Variants in CLINT1 observed in about 807,000 individuals in gnomAD.
CLINT1 encodes clathrin interacting protein localized in the trans-Golgi region.
CLINT1 carries 15 observed loss-of-function variants against 70.4 expected under a neutral mutation model. That is an observed-to-expected ratio of 0.21 (90% confidence interval 0.14 to 0.33). The LOEUF is 0.33. Ranked by LOEUF, CLINT1 falls within the 10% of genes least tolerant of loss-of-function variation. CLINT1 has a pLI of 1.00. For missense variants in CLINT1, 615 were observed against 778.1 expected (o/e 0.79, Z 2.49); for synonymous variants, 227 against 254.7 (o/e 0.89, Z 1.04).
At chr5:157,802,537 C>CCT (rs201460326) in intron 8 of CLINT1, among the ~76,000 whole-genome samples, 1 of 147,600 alleles carries the variant, frequency 6.8e-6, no homozygotes, top group African/African-American at 2.6e-5. Flanking sequence ...TTGCTGTAGC[C>CCT]CTCTCTTTTT....
At chr5:157,854,977 G>A (rs1427542745) in intron 1 of CLINT1, among the ~76,000 whole-genome samples, 1 of 151,910 alleles carries the variant, frequency 6.6e-6, no homozygotes, top group Non-Finnish European at 1.5e-5. Context: ...AACCTCAGCT[G>A]TATGAAAAAT....
intron 1 of CLINT1, among the ~76,000 whole-genome samples, chr5:157,840,192 CAAAA>C (rs57245921): frequency 4.0e-4 from 22 of 55,330 alleles, no homozygotes; most frequent in East Asian, 1.2e-3. Context: ...GAGACTGCCT[CAAAA>C]AAAAAAAAAA....
intron 4 of CLINT1, among the ~76,000 whole-genome samples, chr5:157,813,663 G>T (rs143267606): frequency 1.3e-3 from 196 of 152,294 alleles, no homozygotes; most frequent in Non-Finnish European, 2.3e-3. Flanking sequence ...TACACGTCTG[G>T]AACACTAATT....
intron 8 of CLINT1, among the ~76,000 whole-genome samples, chr5:157,796,934 C>G (rs1192278244): frequency 1.3e-5 from 2 of 151,328 alleles, no homozygotes; most frequent in East Asian, 3.9e-4. Flanking sequence ...TGACTAATGC[C>G]AACCAAAGTG....
In CLINT1 at chr5:157,809,304, ACC is replaced by A. The variant is rs1246813315; in HGVS notation, c.695+322_695+323del. 8 of 209,932 alleles carry A rather than the reference ACC, an allele frequency of 3.8e-5. No individual in the cohort carries two copies. In the East Asian group the frequency reaches 1.1e-3, roughly 28 times the overall value. 13.0% of individuals were successfully genotyped at this position (209,932 alleles called of 1,614,324 possible). ...CCCATAGAAGTGTACAATATAGGAAACCCCAACGTAAACTACAGACTTTAGTT... is the reference window on the plus strand; with the variant it reads ...CCCATAGAAGTGTACAATATAGGAAACCAACGTAAACTACAGACTTTAGTT... On this transcript the variant is annotated intron_variant, in intron 6 of 11. Transcript: ENST00000411809.
At chr5:157,838,539 T>G (rs893938428) in intron 1 of CLINT1, among the ~76,000 whole-genome samples, 1 of 152,242 alleles carries the variant, frequency 6.6e-6, no homozygotes, top group African/African-American at 2.4e-5. Context: ...CAATACTTTT[T>G]TCTACAAATT....
Position 157,787,533 on chromosome 5 carries a change from T to C in CLINT1, c.*113A>G, listed in dbSNP as rs1761762291. 2.1e-6 allele frequency: 2 copies of C among 933,644 alleles called. No individual in the cohort carries two copies. Among genetic ancestry groups the C allele is most frequent in the Non-Finnish European group, 3.3e-6 (2 of 611,130 alleles). The allele number at this position is 933,644 out of a possible 1,614,324, so 57.8% of individuals were successfully genotyped here. ...CAGCCTTTTTGGTTCTTTATGTAGA[T>C]TTATTTTAATTACTTGATAAAAGAA... On this transcript the variant is annotated 3_prime_UTR_variant, in exon 12 of 12. Coordinates refer to ENST00000411809, the MANE Select transcript of CLINT1 (RefSeq NM_014666.4).
At chr5:157,799,300 A>G (rs1762148186) in intron 8 of CLINT1, among the ~76,000 whole-genome samples, 1 of 152,130 alleles carries the variant, frequency 6.6e-6, no homozygotes, top group Non-Finnish European at 1.5e-5. Context: ...GTGTACTAAG[A>G]ATGGAACAAG....
intron 1 of CLINT1, among the ~76,000 whole-genome samples, chr5:157,853,727 A>G (rs1753652584): frequency 6.7e-6 from 1 of 149,910 alleles, no homozygotes; most frequent in Middle Eastern, 3.5e-3. Flanking sequence ...CAGTGAGCCA[A>G]TATCGCACCA....
chr5:157,838,898 G>A (rs1467373865), intron 1 of CLINT1, among the ~76,000 whole-genome samples: 4 of 152,148 alleles, frequency 2.6e-5, no homozygotes, highest in African/African-American at 9.7e-5. Flanking sequence ...AAATAGAACA[G>A]AAATATAGTG....
At position 157,787,640 on chromosome 5, in the gene CLINT1, A is replaced by G. The variant is rs762699033; in HGVS notation, c.*6T>C. 19 of 1,610,590 alleles carry G rather than the reference A, an allele frequency of 1.2e-5. 1 individual carries two copies. In the South Asian group the frequency reaches 2.1e-4, roughly 18 times the overall value. On this transcript the variant is annotated 3_prime_UTR_variant, in exon 12 of 12. Coordinates refer to ENST00000411809, the MANE Select transcript of CLINT1 (RefSeq NM_014666.4). ...TCTTCATTCAATCTGCTTCTTTTAC[A>G]ATCTCTTATTTGCTAAAATTGGCGA...
chr5:157,823,440 T>A (rs1309412090), intron 1 of CLINT1, among the ~76,000 whole-genome samples: 2 of 152,202 alleles, frequency 1.3e-5, no homozygotes, highest in Non-Finnish European at 2.9e-5. Context: ...GTACTTCCAA[T>A]ATCTTGTTTT....
chr5:157,817,640 C>T, intron 1 of CLINT1, 93 bp from the exon 2 acceptor site: 1 of 770,602 alleles, frequency 1.3e-6, no homozygotes, highest in Non-Finnish European at 2.2e-6. Context: ...TACTGGGTGT[C>T]CTAATGAGCT....
chr5:157,816,001 A>G (rs956164268), intron 3 of CLINT1, among the ~76,000 whole-genome samples: 3 of 152,224 alleles, frequency 2.0e-5, no homozygotes, highest in African/African-American at 7.2e-5. Flanking sequence ...TTAAAAAACC[A>G]AAAAACTAAA....
chr5:157,841,771 T>A (rs1433938124), intron 1 of CLINT1, among the ~76,000 whole-genome samples: 1 of 152,054 alleles, frequency 6.6e-6, no homozygotes, highest in Non-Finnish European at 1.5e-5. Flanking sequence ...TAGGCGTGCA[T>A]CATCACATAA....
At position 157,791,817 on chromosome 5, in the gene CLINT1, G is replaced by A. The variant is rs150043675; in HGVS notation, c.1266C>T (p.Asp422=). The A allele has an allele frequency of 1.9e-6, 3 of 1,613,960 alleles. No homozygotes were observed. Among genetic ancestry groups the A allele is most frequent in the Non-Finnish European group, 2.5e-6 (3 of 1,179,856 alleles). ...GPPPAASNSS[D]LFDLMGSSQA... ...GGGACGAGCCCATAAGATCAAACAG[G>A]TCTGAAGAATTTGAGGCAGCAGGAG... is the stretch of plus-strand genomic sequence containing the variant. Residue 422 remains aspartate (D), a synonymous_variant, in exon 10 of 12, where the codon GAC becomes GAT. Coordinates refer to ENST00000411809, the MANE Select transcript of CLINT1 (RefSeq NM_014666.4).
intron 1 of CLINT1, among the ~76,000 whole-genome samples, chr5:157,843,259 A>G (rs1486171208): frequency 6.6e-6 from 1 of 152,192 alleles, no homozygotes; most frequent in East Asian, 1.9e-4. Flanking sequence ...ACAACTTCAG[A>G]AAATGCCTCA....
At chr5:157,850,238 C>A (rs1252927215) in intron 1 of CLINT1, among the ~76,000 whole-genome samples, 1 of 152,168 alleles carries the variant, frequency 6.6e-6, no homozygotes, top group Non-Finnish European at 1.5e-5. Context: ...GATGACAGGG[C>A]TAAACATTTT....
Position 157,814,206 on chromosome 5 carries a change from G to C in CLINT1, c.331C>G (p.Leu111Val). Reference protein sequence around the residue: ...AREHIYDLRSLENYHFVDEHG... With the variant: ...AREHIYDLRSVENYHFVDEHG... ...TTACCTACAAAGTGGTAATTTTCCA[G>C]GGATCGTAAATCATAAATGTGTTCT... Residue 111 changes from leucine to valine, a missense_variant, in exon 4 of 12, where the codon CTG (leucine) becomes GTG (valine). This residue lies in a region of CLINT1 where 241 missense variants were observed against 368.6 expected (regional missense o/e 0.65). Transcript: ENST00000411809. The C allele has an allele frequency of 6.2e-7, 1 of 1,608,104 alleles. No homozygotes were observed. Among genetic ancestry groups the C allele is most frequent in the Non-Finnish European group, 8.5e-7 (1 of 1,176,976 alleles).
Sources: allele counts gnomAD v4.1 joint callset (sites outside exome capture counted in the v4.1 genomes callset), GRCh38; gene constraint gnomAD v4.1.1; regional missense constraint gnomAD v4.1.1; transcripts MANE v1.5; gene names NCBI Gene and HGNC (gene_info 2026-07-23, HGNC 2026-07-21).